The following MESD variants were observed in gnomAD, a reference collection of about 807,000 sequenced individuals.
MESD encodes mesoderm development LRP chaperone.
MESD carries 7 observed loss-of-function variants against 12.9 expected under a neutral mutation model. The ratio of observed to expected loss-of-function variants is 0.54; its 90% confidence interval spans 0.31 to 1.02. The LOEUF is 1.02. Ranked by LOEUF, MESD falls within the 50% of genes least tolerant of loss-of-function variation. The pLI, the probability that MESD is intolerant of heterozygous loss-of-function variation, is 0.05. For missense variants in MESD, 342 were observed against 296.7 expected (o/e 1.15, Z -1.12); for synonymous variants, 126 against 115.6 (o/e 1.09, Z -0.58).
downstream of MESD, among the ~76,000 whole-genome samples, chr15:80,971,618 T>A (rs573713722): frequency 7.7e-4 from 118 of 152,272 alleles, no homozygotes; most frequent in Middle Eastern, 3.4e-3. Context: ...ATAGGAGCAA[T>A]AAAGTCTTAA....
At chr15:80,953,347 C>T (rs558269314) in intron 3 of MESD, among the ~76,000 whole-genome samples, 1 of 152,134 alleles carries the variant, frequency 6.6e-6, no homozygotes, top group African/African-American at 2.4e-5. Context: ...CAGACGCCAA[C>T]GAGGAACCGT....
intron 3 of MESD, among the ~76,000 whole-genome samples, chr15:80,960,322 C>T (rs1324523295): frequency 6.8e-6 from 1 of 146,884 alleles, no homozygotes; most frequent in African/African-American, 2.5e-5. Context: ...GCTGTGATTA[C>T]ACCACTGTAA....
At chr15:80,962,188 A>C (rs1902098765) in intron 3 of MESD, among the ~76,000 whole-genome samples, 1 of 152,254 alleles carries the variant, frequency 6.6e-6, no homozygotes, top group Admixed American at 6.5e-5. Flanking sequence ...AGGGGTTGCA[A>C]ACCTGGTCTC....
chr15:80,950,871 A>G (rs954327401), intron 4 of MESD: 1 of 152,698 alleles, frequency 6.5e-6, no homozygotes, highest in East Asian at 1.9e-4. Flanking sequence ...CCCAACCACA[A>G]ACTCTTTCCT....
At chr15:80,958,638 C>T (rs1295553508) in intron 3 of MESD, among the ~76,000 whole-genome samples, 1 of 151,324 alleles carries the variant, frequency 6.6e-6, no homozygotes, top group African/African-American at 2.5e-5. Context: ...TGGCCTTAGG[C>T]ATTTTTTTTT....
chr15:80,947,128 G>T, downstream of MESD: 1 of 1,053,254 alleles, frequency 9.5e-7, no homozygotes, highest in South Asian at 1.3e-5. Context: ...GCCTGGCATG[G>T]AGGGTGCTGT....
chr15:80,984,021 C>T (rs1459334371), intron 1 of MESD, among the ~76,000 whole-genome samples: 2 of 150,954 alleles, frequency 1.3e-5, no homozygotes, highest in African/African-American at 4.9e-5. Context: ...CTGCCTCAGC[C>T]TCCCGAGTAG....
In MESD at chr15:80,989,575, G is replaced by C. The variant is rs756981752; in HGVS notation, c.213+4C>G. On this transcript the variant is annotated splice_donor_region_variant and intron_variant, in intron 1 of 2. Transcript: ENST00000261758. ...AGCCGGGAGGGTGTGCGCGCGCCGC[G>C]GACCTCCCATTGCTCCAGAAGACGC... 6.2e-6 allele frequency: 10 copies of C among 1,612,130 alleles called. No homozygotes were observed. The highest frequency in any genetic ancestry group is 8.5e-6 in the Non-Finnish European group (10 of 1,178,940).
At chr15:80,988,377 C>G (rs983026021) in intron 1 of MESD, among the ~76,000 whole-genome samples, 1 of 152,242 alleles carries the variant, frequency 6.6e-6, no homozygotes, top group African/African-American at 2.4e-5. Flanking sequence ...TTGTTCATCT[C>G]TTCAGCACCC....
intron 4 of MESD, chr15:80,950,603 G>A (rs1166196967): frequency 2.6e-5 from 4 of 152,300 alleles, no homozygotes; most frequent in Admixed American, 1.3e-4. Flanking sequence ...CTCTACAGGT[G>A]AGGCCCAGCA....
chr15:80,966,057 A>C (rs932703717), intron 3 of MESD, among the ~76,000 whole-genome samples: 3 of 152,256 alleles, frequency 2.0e-5, no homozygotes, highest in African/African-American at 7.2e-5. Context: ...AATTATTAGA[A>C]CTGGGTGACA....
chr15:80,975,540 A>G (rs1352920579), downstream of MESD, among the ~76,000 whole-genome samples: 6 of 152,112 alleles, frequency 3.9e-5, no homozygotes, highest in East Asian at 1.2e-3. Context: ...ACACTATTAA[A>G]CAATAATCAG....
In MESD at chr15:80,989,582, C is replaced by A; in HGVS notation, c.210G>T (p.Trp70Cys). ...DADMARLLEQ[W>C]EKDDDIEEGD... is the part of the protein sequence containing the mutation. Reference sequence around the variant, plus strand: ...AGGGTGTGCGCGCGCCGCGGACCTCCCATTGCTCCAGAAGACGCGCCATGT... The same window carrying A: ...AGGGTGTGCGCGCGCCGCGGACCTCACATTGCTCCAGAAGACGCGCCATGT... Residue 70 changes from tryptophan to cysteine, a missense_variant, in exon 1 of 3, where the codon TGG becomes TGT. Trp to Cys is a radical substitution (Grantham distance 215, BLOSUM62 -2). Coordinates refer to ENST00000261758, the MANE Select transcript of MESD (RefSeq NM_015154.3). The A allele has an allele frequency of 6.2e-7, 1 of 1,613,060 alleles. No homozygotes were observed. The highest frequency in any genetic ancestry group is 8.5e-7 in the Non-Finnish European group (1 of 1,179,440).
At chr15:80,973,064 A>G (rs1902326151), downstream of MESD, among the ~76,000 whole-genome samples, 1 of 152,102 alleles carries the variant, frequency 6.6e-6, no homozygotes, top group Admixed American at 6.6e-5. Context: ...TCGTTACTAT[A>G]TAACGCTGAG....
chr15:80,979,308 C>A lies in MESD; in HGVS notation c.616G>T (p.Asp206Tyr). The A allele has an allele frequency of 6.2e-7, 1 of 1,613,836 alleles. No individual in the cohort carries two copies. Among genetic ancestry groups the A allele is most frequent in the Non-Finnish European group, 8.5e-7 (1 of 1,179,976 alleles). Reference sequence around the variant, plus strand: ...CCTTCCTTCTTTTTTTTGCCCTTGTCTTGCTTTGTTTTATTTTTCTCTTTG... The same window carrying A: ...CCTTCCTTCTTTTTTTTGCCCTTGTATTGCTTTGTTTTATTTTTCTCTTTG... ...GSKEKNKTKQ[D>Y]KGKKKKEGDL... Residue 206 changes from aspartate to tyrosine, a missense_variant, in exon 3 of 3, where the codon GAC (aspartate) becomes TAC (tyrosine). Physicochemically the swap from Asp to Tyr is radical, Grantham distance 160. Transcript: ENST00000261758.
intron 4 of MESD, chr15:80,949,060 C>A: frequency 1.7e-6 from 2 of 1,168,368 alleles, no homozygotes; most frequent in Non-Finnish European, 2.5e-6. Context: ...CCTGATGGGC[C>A]AAGGGAAGGC....
chr15:80,974,389 A>AT (rs1325498187), downstream of MESD, among the ~76,000 whole-genome samples: 1 of 152,222 alleles, frequency 6.6e-6, no homozygotes, highest in Non-Finnish European at 1.5e-5. Context: ...CTACCCAAAC[A>AT]TTTTGGAATT....
downstream of MESD, among the ~76,000 whole-genome samples, chr15:80,975,079 G>A (rs998928423): frequency 2.6e-5 from 4 of 151,976 alleles, no homozygotes; most frequent in Admixed American, 1.3e-4. Context: ...GTGGAGCCAT[G>A]TGTAAGAAGA....
At chr15:80,975,081 G>C (rs573383778), downstream of MESD, among the ~76,000 whole-genome samples, 29 of 152,052 alleles carry the variant, frequency 1.9e-4, no homozygotes, top group Non-Finnish European at 3.8e-4. Flanking sequence ...GGAGCCATGT[G>C]TAAGAAGAGC....
Sources: gnomAD v4.1 joint callset for allele counts (sites outside exome capture counted in the v4.1 genomes callset) on GRCh38, gnomAD v4.1.1 for gene constraint, MANE v1.5 for transcripts, NCBI Gene and HGNC (gene_info 2026-07-23, HGNC 2026-07-21) for gene names.